Variants in XIRP2 observed in about 807,000 individuals in gnomAD.
The protein encoded by XIRP2 is xin actin binding repeat containing 2, also known as xin actin-binding repeat-containing protein 2.
XIRP2 carries 236 observed loss-of-function variants against 277.0 expected under a neutral mutation model. The ratio of observed to expected loss-of-function variants is 0.85; its 90% CI spans 0.77 to 0.95. The LOEUF is 0.95. XIRP2 is among the 40% of genes least tolerant of loss of function. The pLI, the probability that XIRP2 is intolerant of heterozygous loss-of-function variation, is 0.00. For missense variants in XIRP2, 4,640 were observed against 4,157.5 expected, an observed-to-expected ratio of 1.12 and a Z score of -3.19; for synonymous variants, 1,490 against 1,416.5, an observed-to-expected ratio of 1.05 and a Z score of -1.17.
chr2:167,248,887 T>C lies in XIRP2; in HGVS notation c.7495T>C (p.Cys2499Arg). The change falls in exon 9 of 11, where the codon TGT becomes CGT. Residue 2499 changes from cysteine to arginine, a missense_variant. Cys to Arg is a radical substitution (Grantham distance 180, BLOSUM62 -3). Coordinates refer to ENST00000409195, the MANE Select transcript of XIRP2 (RefSeq NM_152381.6). ...ACAATTATCTATTGACTCTGCAAAC[T>C]GTCTCTCACACACAGTTCCAGGAAC... is the stretch of plus-strand genomic sequence containing the variant. ...RKQLSIDSAN[C>R]LSHTVPGTSA... 5 of 1,613,672 alleles carry C rather than the reference T, an allele frequency of 3.1e-6. No individual in the cohort carries two copies. Among genetic ancestry groups the C allele is most frequent in the Non-Finnish European group, 4.2e-6 (5 of 1,179,804 alleles).
intron 4 of XIRP2, 57 bp downstream of exon 4, chr2:167,210,952 C>A: frequency 1.3e-6 from 2 of 1,588,562 alleles, no homozygotes; most frequent in Non-Finnish European, 1.7e-6. Context: ...TGTCCCAATT[C>A]CCTCTTTATA....
At position 167,245,319 on chromosome 2, in the gene XIRP2, A is replaced by G; in HGVS notation, c.3927A>G (p.Val1309=). 3 of 1,613,762 alleles carry G rather than the reference A, an allele frequency of 1.9e-6. No individual in the cohort carries two copies. Among genetic ancestry groups the G allele is most frequent in the Non-Finnish European group, 2.5e-6 (3 of 1,179,782 alleles). The change falls in exon 9 of 11, where the codon GTA becomes GTG. Residue 1309 remains valine (V), a synonymous_variant. Transcript: ENST00000409195. ...CTGAAGAAGTAATACAGGGTGATGT[A>G]AAAAGCTACAGAATGCTCTTTGAAA... ...TITEEVIQGD[V]KSYRMLFETQ... is the part of the protein sequence containing the mutation.
In XIRP2 at chr2:167,201,250, GAAAGAAAGAA is replaced by G. The variant is rs1559018383; in HGVS notation, c.563-9483_563-9474del. ...AGAAAGAAAGAAAGAAAGAAAGAAAGAAAGAAAGAAAGAGAGAGGGAGAAAGGAAAGAAGG... is the reference window on the plus strand; with the variant it reads ...AGAAAGAAAGAAAGAAAGAAAGAAAGAGAGAGAGGGAGAAAGGAAAGAAGG... On this transcript the variant is annotated intron_variant, in intron 3 of 10. Transcript: ENST00000409195. Among the ~76,000 whole-genome samples, 32 of 92,812 alleles carry G rather than the reference GAAAGAAAGAA, an allele frequency of 3.4e-4. 1 individual carries two copies. The highest frequency in any genetic ancestry group is 2.1e-3 in the African/African-American group (26 of 12,636). 60.9% of individuals were successfully genotyped at this position (92,812 alleles called of 152,430 possible).
intron 3 of XIRP2, among the ~76,000 whole-genome samples, chr2:167,148,793 G>A (rs535488922): frequency 1.5e-4 from 23 of 152,140 alleles, no homozygotes; most frequent in South Asian, 1.2e-3. Context: ...AAAATACCAC[G>A]TAACAATAGA....
chr2:167,167,945 C>CA (rs1231491496), intron 3 of XIRP2, among the ~76,000 whole-genome samples: 1 of 152,106 alleles, frequency 6.6e-6, no homozygotes, highest in Non-Finnish European at 1.5e-5. Context: ...CAAATTTCCT[C>CA]ATTTTTTTAA....
chr2:167,201,260 AAGAGAG>A (rs369575681), intron 3 of XIRP2, among the ~76,000 whole-genome samples: 1 of 81,920 alleles, frequency 1.2e-5, no homozygotes, highest in African/African-American at 9.6e-5. Flanking sequence ...GAAAGAAAGA[AAGAGAG>A]AGGGAGAAAG....
rs373622652 is a variant in XIRP2, at chr2:167,229,167, T to C, written c.859-10688T>C. Among the ~76,000 whole-genome samples, 4 of 152,160 alleles carry C rather than the reference T, an allele frequency of 2.6e-5. No individual in the cohort carries two copies. The East Asian group carries it at 7.7e-4, about 29-fold the overall frequency. Reference sequence around the variant, plus strand: ...TACAGATCTTTTGACATAATGGAATTTTATATTTTCTTTGATCACAGGGAG... The same window carrying C: ...TACAGATCTTTTGACATAATGGAATCTTATATTTTCTTTGATCACAGGGAG... On this transcript the variant is annotated intron_variant, in intron 5 of 10. Transcript: ENST00000409195.
chr2:166,968,240 T>A (rs1284170941), intron 2 of XIRP2, among the ~76,000 whole-genome samples: 1 of 151,892 alleles, frequency 6.6e-6, no homozygotes, highest in Non-Finnish European at 1.5e-5. Context: ...AGGGCCCACA[T>A]CATGAGGAGG....
chr2:167,025,278 T>A (rs578075483), intron 2 of XIRP2, among the ~76,000 whole-genome samples: 1 of 152,312 alleles, frequency 6.6e-6, no homozygotes, highest in African/African-American at 2.4e-5. Context: ...GTAGTTTGTA[T>A]TTCTGTGGGA....
chr2:166,970,107 A>C (rs1042436426), intron 2 of XIRP2, among the ~76,000 whole-genome samples: 19 of 152,018 alleles, frequency 1.2e-4, no homozygotes, highest in African/African-American at 4.6e-4. Context: ...AAGATAATTT[A>C]TTAGAAATAT....
At chr2:167,153,280 G>C (rs114518174) in intron 3 of XIRP2, among the ~76,000 whole-genome samples, 6,150 of 152,000 alleles carry the variant, frequency 0.04, 128 homozygotes, top group Non-Finnish European at 0.05. Context: ...ATTAAATCCT[G>C]TATTGAGCAT....
At chr2:167,232,218 T>C (rs886529049) in intron 5 of XIRP2, among the ~76,000 whole-genome samples, 2 of 151,990 alleles carry the variant, frequency 1.3e-5, no homozygotes, top group Admixed American at 1.3e-4. Flanking sequence ...AATTGTGTAA[T>C]AGATTAAATC....
At chr2:166,891,574 G>C (rs1158275421) in intron 1 of XIRP2, among the ~76,000 whole-genome samples, 1 of 152,006 alleles carries the variant, frequency 6.6e-6, no homozygotes, top group Non-Finnish European at 1.5e-5. Flanking sequence ...TTATCAGATA[G>C]ATATTGAGCA....
chr2:166,967,911 A>G (rs554286133), intron 2 of XIRP2, among the ~76,000 whole-genome samples: 8 of 152,086 alleles, frequency 5.3e-5, no homozygotes, highest in African/African-American at 1.9e-4. Context: ...AGAGGGCTAT[A>G]CTGGTGAAAT....
At chr2:167,133,238 G>C (rs972110380) in intron 2 of XIRP2, among the ~76,000 whole-genome samples, 3 of 152,194 alleles carry the variant, frequency 2.0e-5, no homozygotes, top group African/African-American at 4.8e-5. Context: ...GAAGCACAGT[G>C]TATAAAACAG....
chr2:166,925,596 C>CATATACAT (rs1685163472), intron 2 of XIRP2, among the ~76,000 whole-genome samples: 1 of 102,450 alleles, frequency 9.8e-6, no homozygotes, highest in Non-Finnish European at 2.3e-5. Flanking sequence ...TGTGTATATA[C>CATATACAT]ATATATATAT....
chr2:166,911,736 T>A (rs565025228), intron 2 of XIRP2, among the ~76,000 whole-genome samples: 26 of 152,290 alleles, frequency 1.7e-4, no homozygotes, highest in East Asian at 1.2e-3. Context: ...ATGTTTTTGC[T>A]GTCGCTGGTA....
intron 2 of XIRP2, among the ~76,000 whole-genome samples, chr2:166,978,411 G>A (rs1330159820): frequency 2.0e-5 from 3 of 152,110 alleles, no homozygotes; most frequent in Admixed American, 6.6e-5. Flanking sequence ...AATTTTAGAA[G>A]AGCTTGGGGA....
chr2:167,102,982 GA>G (rs1245999521), intron 2 of XIRP2, among the ~76,000 whole-genome samples: 1 of 151,832 alleles, frequency 6.6e-6, no homozygotes, highest in Non-Finnish European at 1.5e-5. Flanking sequence ...CTTCAAATAA[GA>G]AAAAAAATAG....
Sources: gnomAD v4.1 joint callset for allele counts (sites outside exome capture counted in the v4.1 genomes callset) on GRCh38, gnomAD v4.1.1 for gene constraint, MANE v1.5 for transcripts, NCBI Gene and HGNC (gene_info 2026-07-23, HGNC 2026-07-21) for gene names.